Variants in CACNA1D observed in about 807,000 individuals in gnomAD.
The protein encoded by CACNA1D is voltage-dependent L-type calcium channel subunit alpha-1D.
CACNA1D carries 55 observed loss-of-function variants against 257.1 expected under a neutral mutation model. The ratio of observed to expected loss-of-function variants is 0.21; its 90% CI spans 0.17 to 0.27. CACNA1D has a LOEUF of 0.27. Ranked by LOEUF, CACNA1D falls within the 10% of genes least tolerant of loss-of-function variation. The probability of loss-of-function intolerance (pLI) is 1.00; values close to 1 mark genes in which losing one functional copy is unlikely to be tolerated. For missense variants in CACNA1D, 1,876 were observed against 2,784.0 expected (o/e 0.67, Z 7.34); for synonymous variants, 980 against 1,014.9 (o/e 0.97, Z 0.65).
intron 4 of CACNA1D, among the ~76,000 whole-genome samples, chr3:53,652,341 A>G (rs1049792233): frequency 6.6e-6 from 1 of 152,204 alleles, no homozygotes; most frequent in Non-Finnish European, 1.5e-5. Flanking sequence ...CAAGTGGAGC[A>G]TGGTGGTCTT....
At chr3:53,756,041 G>A (rs776990173) in intron 29 of CACNA1D, among the ~76,000 whole-genome samples, 1 of 152,130 alleles carries the variant, frequency 6.6e-6, no homozygotes, top group East Asian at 1.9e-4. Flanking sequence ...GTCCCTCATG[G>A]CAGAGTTCTC....
intron 3 of CACNA1D, among the ~76,000 whole-genome samples, chr3:53,503,975 G>T (rs115048423): frequency 6.6e-6 from 1 of 151,680 alleles, no homozygotes; most frequent in Non-Finnish European, 1.5e-5. Flanking sequence ...TGTGGGAAGG[G>T]AAGATCTTTG....
chr3:53,681,939 A>G (rs2108468664), intron 8 of CACNA1D, among the ~76,000 whole-genome samples: 1 of 152,210 alleles, frequency 6.6e-6, no homozygotes, highest in South Asian at 2.1e-4. Context: ...ATGCTGGAGG[A>G]ACTGAATGAA....
chr3:53,555,455 TGTG>T (rs1316471614), intron 3 of CACNA1D, among the ~76,000 whole-genome samples: 86 of 108,274 alleles, frequency 7.9e-4, no homozygotes, highest in African/African-American at 3.2e-3. Flanking sequence ...TGTGTGTGTG[TGTG>T]TGTTTTTTTT....
intron 3 of CACNA1D, among the ~76,000 whole-genome samples, chr3:53,518,215 C>T (rs1379381247): frequency 6.6e-6 from 1 of 152,182 alleles, no homozygotes; most frequent in Non-Finnish European, 1.5e-5. Context: ...TGGAAGCAGC[C>T]CTGCCTTCTG....
In CACNA1D at chr3:53,724,497, G is replaced by C. The variant is rs145199247; in HGVS notation, c.2100+498G>C. 2.3e-3 allele frequency among the ~76,000 whole-genome samples: 345 copies of C among 152,326 alleles called. 1 individual carries two copies. The highest frequency in any genetic ancestry group is 8.0e-3 in the African/African-American group (333 of 41,580). ...CCTTCTGTCCTCCTCCTGGGATGCA[G>C]TGAGGACACAAAGATTCTGAGGGTG... On this transcript the variant is annotated intron_variant, in intron 14 of 47. Transcript: ENST00000350061.
At chr3:53,529,973 A>C (rs2091893019) in intron 3 of CACNA1D, among the ~76,000 whole-genome samples, 1 of 152,130 alleles carries the variant, frequency 6.6e-6, no homozygotes, top group Admixed American at 6.5e-5. Context: ...GCTAGTACTG[A>C]CCAGCATCTG....
At chr3:53,566,992 C>CA (rs2092854677) in intron 3 of CACNA1D, among the ~76,000 whole-genome samples, 2 of 152,330 alleles carry the variant, frequency 1.3e-5, no homozygotes, top group South Asian at 4.1e-4. Flanking sequence ...TCATCCTCCC[C>CA]AAGGGGAGCA....
chr3:53,767,608 G>C (rs965009513), intron 30 of CACNA1D, among the ~76,000 whole-genome samples: 2 of 150,490 alleles, frequency 1.3e-5, no homozygotes, highest in East Asian at 2.0e-4. Flanking sequence ...CCAACATGCA[G>C]ATACGCCCCA....
chr3:53,801,955 A>G (rs1329309302), intron 42 of CACNA1D, among the ~76,000 whole-genome samples, 192 bp from the exon 43 acceptor site: 1 of 152,128 alleles, frequency 6.6e-6, no homozygotes, highest in African/African-American at 2.4e-5. Flanking sequence ...ATGTTTTTCA[A>G]TCCTTTATAA....
intron 3 of CACNA1D, among the ~76,000 whole-genome samples, chr3:53,518,888 A>G (rs917214348): frequency 2.0e-5 from 3 of 152,224 alleles, no homozygotes; most frequent in Non-Finnish European, 4.4e-5. Context: ...ACATATTTAC[A>G]CAATTCTGAT....
intron 4 of CACNA1D, among the ~76,000 whole-genome samples, chr3:53,659,173 A>C (rs2094178205): frequency 1.3e-5 from 2 of 152,248 alleles, no homozygotes; most frequent in Admixed American, 6.5e-5. Context: ...GTATTTGTTT[A>C]AAAGAGCAAA....
chr3:53,770,362 T>A, intron 31 of CACNA1D, 62 bp from the exon 32 acceptor site: 1 of 1,537,670 alleles, frequency 6.5e-7, no homozygotes, highest in Middle Eastern at 1.7e-4. Context: ...GTTGCTGTTT[T>A]TCTGAAAGTG....
At position 53,726,900 on chromosome 3, in the gene CACNA1D, A is replaced by G; in HGVS notation, c.2122A>G (p.Asn708Asp). The G allele has an allele frequency of 6.2e-7, 1 of 1,614,188 alleles. No homozygotes were observed. The highest frequency in any genetic ancestry group is 1.3e-5 in the African/African-American group (1 of 75,052). Reference sequence around the variant, plus strand: ...TCAGATCCTGACAGGCGAAGACTGGAATGCTGTGATGTACGATGGCATCAT... The same window carrying G: ...TCAGATCCTGACAGGCGAAGACTGGGATGCTGTGATGTACGATGGCATCAT... Reference protein sequence around the residue: ...VFQILTGEDWNAVMYDGIMAY... With the variant: ...VFQILTGEDWDAVMYDGIMAY... The change falls in exon 15 of 48, where the codon AAT (asparagine) becomes GAT (aspartate). Residue 708 changes from asparagine to aspartate, a missense_variant. Around this residue, in one of 10 missense-constraint regions of CACNA1D, gnomAD observed 257 missense variants for 399.7 expected, o/e 0.64. Transcript: ENST00000350061.
intron 29 of CACNA1D, among the ~76,000 whole-genome samples, chr3:53,757,604 T>C (rs1353512550): frequency 6.6e-6 from 1 of 152,210 alleles, no homozygotes; most frequent in African/African-American, 2.4e-5. Flanking sequence ...ACCTATTGCT[T>C]GAGAAAGCAT....
Position 53,495,311 on chromosome 3 carries a change from G to A in CACNA1D, c.67+78G>A. 5 of 1,566,262 alleles carry A rather than the reference G, an allele frequency of 3.2e-6. No individual in the cohort carries two copies. The Admixed American group carries it at 8.3e-5, about 26-fold the overall frequency. On this transcript the variant is annotated intron_variant, in intron 1 of 47. Coordinates refer to ENST00000350061, the MANE Select transcript of CACNA1D (RefSeq NM_001128840.3). This position sits in a 1 kb window ranked among gnomAD's most constrained non-coding sequence, Gnocchi z 5.1. ...CTCCAGCCCCCTCCCCCTTCCCCGCGGCGCTGGATGGGTTGAGGGGGTTGG... is the reference window on the plus strand; with the variant it reads ...CTCCAGCCCCCTCCCCCTTCCCCGCAGCGCTGGATGGGTTGAGGGGGTTGG...
Position 53,723,409 on chromosome 3 carries a change from G to A in CACNA1D, c.1667-25G>A. On this transcript the variant is annotated intron_variant, in intron 12 of 47. Coordinates refer to ENST00000350061, the MANE Select transcript of CACNA1D (RefSeq NM_001128840.3). The surrounding 1 kb of genome is among the most constrained non-coding windows in gnomAD (Gnocchi z 5.6). ...TGAGTGTCTTGCAGGAGACCCTGAG[G>A]ATGGGTGCCCCTTTGTCTTTCCAGA... The A allele has an allele frequency of 6.3e-7, 1 of 1,578,640 alleles. No homozygotes were observed. Among genetic ancestry groups the A allele is most frequent in the Non-Finnish European group, 8.7e-7 (1 of 1,147,630 alleles).
chr3:53,802,127 G>A lies in CACNA1D; in HGVS notation c.5409-20G>A. On this transcript the variant is annotated intron_variant, in intron 42 of 47. Coordinates refer to ENST00000350061, the MANE Select transcript of CACNA1D (RefSeq NM_001128840.3). ...CTTTTATCTTCTCCCTCCTTCCCATGTTATGCCTTTCCTGGATAGAACCCG... is the reference window on the plus strand; with the variant it reads ...CTTTTATCTTCTCCCTCCTTCCCATATTATGCCTTTCCTGGATAGAACCCG... The A allele has an allele frequency of 1.3e-6, 2 of 1,596,474 alleles. No individual in the cohort carries two copies. The highest frequency in any genetic ancestry group is 1.7e-6 in the Non-Finnish European group (2 of 1,163,952).
chr3:53,738,500 C>T (rs1469993673), intron 20 of CACNA1D, among the ~76,000 whole-genome samples: 36 of 151,994 alleles, frequency 2.4e-4, no homozygotes, highest in Admixed American at 2.4e-3. Flanking sequence ...GACACAAGGG[C>T]AGTGTTTGGA....
Sources: allele counts gnomAD v4.1 joint callset (sites outside exome capture counted in the v4.1 genomes callset), GRCh38; gene constraint gnomAD v4.1.1; regional missense constraint gnomAD v4.1.1; non-coding constraint Gnocchi (gnomAD v3.1); transcripts MANE v1.5; gene names NCBI Gene and HGNC (gene_info 2026-07-23, HGNC 2026-07-21).